Variants in MYO16 observed in about 807,000 individuals in gnomAD.
MYO16 encodes the protein unconventional myosin-XVI.
In MYO16, 94 loss-of-function variants were observed where a neutral mutation model predicts 205.3. The ratio of observed to expected loss-of-function variants is 0.46; its 90% CI spans 0.39 to 0.54. MYO16 has a LOEUF of 0.54. MYO16 is among the 20% of genes least tolerant of loss of function. The pLI is 0.00. For missense variants in MYO16, 2,315 were observed against 2,387.5 expected (o/e 0.97, Z 0.63); for synonymous variants, 988 against 954.0 (o/e 1.04, Z -0.66).
chr13:108,866,195 C>A lies in MYO16; in HGVS notation c.1378C>A (p.Leu460Ile), dbSNP rs1878705395. ...TTCACAGACATTCATTGGAGACATTCTTTTGCTTGTTAACCCATACAAGGA... is the reference window on the plus strand; with the variant it reads ...TTCACAGACATTCATTGGAGACATTATTTTGCTTGTTAACCCATACAAGGA... ...NQIYTFIGDI[L>I]LLVNPYKELP... Residue 460 changes from leucine to isoleucine, a missense_variant, in exon 12 of 35, where the codon CTT becomes ATT. Coordinates refer to ENST00000457511, the MANE Select transcript of MYO16 (RefSeq NM_001198950.3). The A allele has an allele frequency of 3.7e-6, 6 of 1,603,134 alleles. No homozygotes were observed. The highest frequency in any genetic ancestry group is 5.1e-6 in the Non-Finnish European group (6 of 1,173,656).
In MYO16 at chr13:108,991,091, T is replaced by TAC. The variant is rs555151536; in HGVS notation, c.2370-1284_2370-1283dup. Among the ~76,000 whole-genome samples, 238 of 152,352 alleles carry TAC rather than the reference T, an allele frequency of 1.6e-3. 2 individuals are homozygous for TAC. Among genetic ancestry groups the TAC allele is most frequent in the African/African-American group, 4.3e-3 (179 of 41,588 alleles). On this transcript the variant is annotated intron_variant, in intron 20 of 34. Coordinates refer to ENST00000457511, the MANE Select transcript of MYO16 (RefSeq NM_001198950.3). ...GACAGCAGTTGTCCCATTCATACTA[T>TAC]ACGTCAATGATGTGGAAGAGGTGGG...
At chr13:109,018,450 C>T (rs1209159693) in intron 22 of MYO16, among the ~76,000 whole-genome samples, 2 of 152,148 alleles carry the variant, frequency 1.3e-5, no homozygotes, top group African/African-American at 4.8e-5. Flanking sequence ...GGTCAGGGAC[C>T]CACTTGAGGA....
At chr13:108,647,576 T>G (rs1880810186) in intron 1 of MYO16, among the ~76,000 whole-genome samples, 1 of 152,170 alleles carries the variant, frequency 6.6e-6, no homozygotes, top group Admixed American at 6.5e-5. Context: ...TTTTTTCCAT[T>G]TTTTTCTCAA....
At chr13:108,660,595 C>G (rs868494385) in intron 1 of MYO16, among the ~76,000 whole-genome samples, 1 of 152,114 alleles carries the variant, frequency 6.6e-6, no homozygotes, top group Non-Finnish European at 1.5e-5. Context: ...AATAGCCACC[C>G]CTGCTTCCTT....
chr13:108,965,634 G>C (rs1883763883), intron 20 of MYO16, among the ~76,000 whole-genome samples: 3 of 152,158 alleles, frequency 2.0e-5, no homozygotes, highest in African/African-American at 7.2e-5. Context: ...TTGAACTCCT[G>C]ACCTCAGGTG....
At chr13:108,812,359 T>C (rs1367024250) in intron 7 of MYO16, among the ~76,000 whole-genome samples, 1 of 152,166 alleles carries the variant, frequency 6.6e-6, no homozygotes, top group Non-Finnish European at 1.5e-5. Flanking sequence ...TATCATCATA[T>C]CTCAGACAGG....
At chr13:108,708,044 A>G (rs1555340495) in intron 2 of MYO16, among the ~76,000 whole-genome samples, 1 of 152,182 alleles carries the variant, frequency 6.6e-6, no homozygotes, top group Non-Finnish European at 1.5e-5. Context: ...GTGTATTATT[A>G]CAATTTCACA....
At chr13:108,655,200 A>C (rs1048567025) in intron 1 of MYO16, among the ~76,000 whole-genome samples, 2 of 152,166 alleles carry the variant, frequency 1.3e-5, no homozygotes, top group Non-Finnish European at 2.9e-5. Context: ...GGAAAAAACA[A>C]AGGTTTCATG....
At chr13:108,671,560 C>T (rs1288391424) in intron 2 of MYO16, among the ~76,000 whole-genome samples, 2 of 152,146 alleles carry the variant, frequency 1.3e-5, no homozygotes, top group Non-Finnish European at 2.9e-5. Flanking sequence ...ACTCCTAGAA[C>T]TCAATGAAAG....
chr13:109,023,982 A>T, intron 23 of MYO16, among the ~76,000 whole-genome samples: 1 of 119,148 alleles, frequency 8.4e-6, no homozygotes, highest in East Asian at 3.0e-4. Context: ...CTATATGTAT[A>T]TATTTCTATA....
At chr13:108,844,213 T>C in intron 9 of MYO16, 130 bp from the exon 10 acceptor site, 1 of 628,976 alleles carries the variant, frequency 1.6e-6, no homozygotes, top group Non-Finnish European at 2.4e-6. Flanking sequence ...ATTTTTTTCC[T>C]GCAGTTTATA....
At chr13:109,064,902 T>A (rs8181848) in intron 27 of MYO16, among the ~76,000 whole-genome samples, 74,475 of 152,116 alleles carry the variant, frequency 0.49, 18,306 homozygotes, top group Middle Eastern at 0.54. Flanking sequence ...TTATTGTGTA[T>A]TGGACCATCC....
intron 34 of MYO16, among the ~76,000 whole-genome samples, chr13:109,195,892 T>G (rs1265499913): frequency 6.6e-6 from 1 of 152,204 alleles, no homozygotes; most frequent in African/African-American, 2.4e-5. Context: ...ATTTTATATC[T>G]TATGTTTAAT....
chr13:108,635,035 A>AT (rs148017921), intron 1 of MYO16, among the ~76,000 whole-genome samples: 12,230 of 152,196 alleles, frequency 0.08, 840 homozygotes, highest in African/African-American at 0.18. Context: ...TAAACCATCT[A>AT]TTTATTAAAC....
Position 109,140,875 on chromosome 13 carries a change from G to A in MYO16, c.4663G>A (p.Glu1555Lys). ...ETNLKYPVQPEGSSPLSPQYS... is the reference protein window; with the variant it reads ...ETNLKYPVQPKGSSPLSPQYS... ...CAACCTCAAGTACCCCGTGCAGCCG[G>A]AGGGGTCGAGCCCGCTGTCCCCGCA... Residue 1555 changes from glutamate (E) to lysine (K), a missense_variant, in exon 32 of 35, where the codon GAG becomes AAG. This residue lies in a region of MYO16 where 1,097 missense variants were observed against 1,092.0 expected (regional missense o/e 1.00). Transcript: ENST00000457511. The surrounding 1 kb of genome is among the most constrained non-coding windows in gnomAD (Gnocchi z 8.0). 6.3e-7 allele frequency: 1 copy of A among 1,596,160 alleles called. No individual in the cohort carries two copies. The highest frequency in any genetic ancestry group is 1.1e-5 in the South Asian group (1 of 88,984).
intron 23 of MYO16, among the ~76,000 whole-genome samples, chr13:109,033,469 G>A (rs568816199): frequency 1.3e-4 from 20 of 152,256 alleles, no homozygotes; most frequent in East Asian, 1.9e-4. Flanking sequence ...GTGCTGTGCA[G>A]CATCTATCCC....
the MYO16 span, among the ~76,000 whole-genome samples, chr13:108,496,477 G>A: frequency 6.6e-6 from 1 of 152,138 alleles, no homozygotes; most frequent in Non-Finnish European, 1.5e-5. Flanking sequence ...CCCTCTGCGC[G>A]ACCCCAGCTG....
intron 20 of MYO16, among the ~76,000 whole-genome samples, chr13:108,975,766 T>G (rs1032026365): frequency 2.6e-5 from 4 of 152,134 alleles, no homozygotes; most frequent in African/African-American, 9.7e-5. Flanking sequence ...AGCAGCATGA[T>G]TTTTTAGAAT....
intron 27 of MYO16, among the ~76,000 whole-genome samples, chr13:109,072,578 C>CAT (rs1887957002): frequency 2.2e-5 from 2 of 91,320 alleles, no homozygotes; most frequent in South Asian, 6.5e-4. Flanking sequence ...GCATTAAACA[C>CAT]ACACACACAC....
Sources: allele counts gnomAD v4.1 joint callset (sites outside exome capture counted in the v4.1 genomes callset), GRCh38; gene constraint gnomAD v4.1.1; regional missense constraint gnomAD v4.1.1; non-coding constraint Gnocchi (gnomAD v3.1); transcripts MANE v1.5; gene names NCBI Gene and HGNC (gene_info 2026-07-23, HGNC 2026-07-21).